The following BCOR variants were observed in gnomAD, a reference collection of about 807,000 sequenced individuals.
The protein encoded by BCOR is BCL-6 corepressor.
Under a neutral mutation model 86.7 loss-of-function variants are expected in BCOR, and 10 were observed. The observed-to-expected ratio is 0.12, with a 90% CI of 0.07 to 0.20. BCOR has a LOEUF of 0.20. Among genes scored for constraint, BCOR ranks in the 10% least tolerant of loss-of-function variants. BCOR has a pLI of 1.00. For synonymous variants in BCOR, 611 were observed against 609.0 expected (o/e 1.00, Z -0.05); for missense variants, 1,259 against 1,452.1 (o/e 0.87, Z 2.16).
chrX:40,072,939 G>C lies in BCOR; in HGVS notation c.2407C>G (p.Leu803Val), dbSNP rs376728674. 1.7e-6 allele frequency: 2 copies of C among 1,211,708 alleles called. No homozygotes were observed. The highest frequency in any genetic ancestry group is 2.2e-6 in the Non-Finnish European group (2 of 895,412). ...QGKTVVKSDK[L>V]VYVDLLREEP... ...TCTCGGAGAAGGTCTACGTAGACAAGCTTGTCGCTTTTGACAACAGTCTTC... is the reference window on the plus strand; with the variant it reads ...TCTCGGAGAAGGTCTACGTAGACAACCTTGTCGCTTTTGACAACAGTCTTC... Residue 803 changes from leucine (L) to valine (V), a missense_variant, in exon 4 of 15, where the codon CTT (leucine) becomes GTT (valine). Transcript: ENST00000378444.
intron 6 of BCOR, among the ~76,000 whole-genome samples, chrX:40,070,763 T>C (rs760723807): frequency 6.1e-4 from 68 of 112,056 alleles, no homozygotes; most frequent in Middle Eastern, 4.6e-3. Context: ...TGCGTTATAT[T>C]AGACTGTTAT....
chrX:40,101,611 T>C (rs1303530983), upstream of BCOR, among the ~76,000 whole-genome samples: 2 of 112,350 alleles, frequency 1.8e-5, no homozygotes, highest in Non-Finnish European at 3.8e-5. Context: ...TGGCTGCCCT[T>C]CTCAAGGCAG....
At chrX:40,163,643 G>C (rs1051066226) in intron 1 of BCOR, among the ~76,000 whole-genome samples, 5 of 97,174 alleles carry the variant, frequency 5.1e-5, no homozygotes, top group African/African-American at 2.0e-4. Flanking sequence ...GTGGAAGTAG[G>C]ATCTCTGTCC....
At chrX:40,143,604 T>C (rs960857105) in intron 1 of BCOR, among the ~76,000 whole-genome samples, 8 of 112,518 alleles carry the variant, frequency 7.1e-5, no homozygotes, top group African/African-American at 2.6e-4. Context: ...ACAAAAAACT[T>C]TGGAGTAGGA....
intron 9 of BCOR, 152 bp from the exon 10 acceptor site, chrX:40,062,545 G>T (rs1362696736): frequency 1.2e-6 from 1 of 847,730 alleles, no homozygotes; most frequent in Non-Finnish European, 1.7e-6. Flanking sequence ...GTCAAAGGAG[G>T]GTTTGGGGGA....
intron 7 of BCOR, 49 bp from the exon 8 acceptor site, chrX:40,064,001 A>G: frequency 5.9e-6 from 4 of 677,492 alleles, no homozygotes; most frequent in Non-Finnish European, 8.2e-6. Context: ...CCGGGGGGGA[A>G]CAAACTGTCT....
At chrX:40,089,400 T>TA (rs1466137331) in intron 1 of BCOR, among the ~76,000 whole-genome samples, 7 of 111,763 alleles carry the variant, frequency 6.3e-5, no homozygotes, top group African/African-American at 2.0e-4. Flanking sequence ...TTTGAAATCC[T>TA]GATTTTCACA....
intron 9 of BCOR, among the ~76,000 whole-genome samples, 159 bp from the exon 10 acceptor site, chrX:40,062,552 G>A (rs1934944076): frequency 9.1e-6 from 1 of 109,871 alleles, no homozygotes; most frequent in South Asian, 4.1e-4. Context: ...GAGGGTTTGG[G>A]GGAAGGGATT....
At chrX:40,149,609 G>A (rs1214410457) in intron 1 of BCOR, among the ~76,000 whole-genome samples, 2 of 111,478 alleles carry the variant, frequency 1.8e-5, no homozygotes, top group Non-Finnish European at 3.8e-5. Flanking sequence ...GGGGAGGTAC[G>A]GTTTGTTTCC....
intron 1 of BCOR, among the ~76,000 whole-genome samples, chrX:40,143,310 C>T (rs1395703412): frequency 8.9e-6 from 1 of 112,239 alleles, no homozygotes; most frequent in Non-Finnish European, 1.9e-5. Flanking sequence ...TTTCGATTTT[C>T]TCTTCTGTTT....
At chrX:40,115,944 C>T (rs1173643969) in intron 1 of BCOR, among the ~76,000 whole-genome samples, 1 of 111,471 alleles carries the variant, frequency 9.0e-6, no homozygotes, top group African/African-American at 3.3e-5. Context: ...CTGGGCAACA[C>T]TTTTCCCCGT....
chrX:40,106,293 C>T (rs1184727704), intron 1 of BCOR, among the ~76,000 whole-genome samples: 1 of 111,703 alleles, frequency 9.0e-6, no homozygotes. Context: ...AGAGAAAAGC[C>T]TCCCTACTCT....
At chrX:40,119,620 CAG>C (rs1937453322) in intron 1 of BCOR, among the ~76,000 whole-genome samples, 1 of 110,139 alleles carries the variant, frequency 9.1e-6, no homozygotes, top group Non-Finnish European at 1.9e-5. Flanking sequence ...GCCTGGGTGA[CAG>C]AGTGAGACTC....
Position 40,170,837 on chromosome X carries a change from G to T in BCOR, c.-41+6170C>A, listed in dbSNP as rs150697005. 3.8e-3 allele frequency among the ~76,000 whole-genome samples: 426 copies of T among 112,186 alleles called. 1 individual carries two copies. Among genetic ancestry groups the T allele is most frequent in the African/African-American group, 0.013 (399 of 30,896 alleles). ...TTCCCTTTATCTCGAACATTGTTGCGTAGATTTGAGAAAGGGCTGATTTCT... is the reference window on the plus strand; with the variant it reads ...TTCCCTTTATCTCGAACATTGTTGCTTAGATTTGAGAAAGGGCTGATTTCT... On this transcript the variant is annotated intron_variant, in intron 1 of 14. Coordinates refer to the BCOR transcript ENST00000342274.
At chrX:40,053,692 A>AC (rs1934439163) in intron 14 of BCOR, 194 bp downstream of exon 14, 1 of 487,031 alleles carries the variant, frequency 2.1e-6, no homozygotes, top group Admixed American at 3.1e-5. Context: ...GCTGTGCCCC[A>AC]CCCCCCACCA....
At chrX:40,167,953 T>C (rs1406228541) in intron 1 of BCOR, among the ~76,000 whole-genome samples, 1 of 112,686 alleles carries the variant, frequency 8.9e-6, no homozygotes, top group Non-Finnish European at 1.9e-5. Context: ...ATGAACTCTT[T>C]CTCCTGGGAA....
At chrX:40,091,752 C>T (rs1569171866) in intron 1 of BCOR, among the ~76,000 whole-genome samples, 1 of 113,203 alleles carries the variant, frequency 8.8e-6, no homozygotes, top group African/African-American at 3.2e-5. Flanking sequence ...TACTCCCGCC[C>T]CGGCGGCTTC....
intron 1 of BCOR, among the ~76,000 whole-genome samples, chrX:40,169,931 C>G (rs1421522024): frequency 1.8e-5 from 2 of 111,793 alleles, no homozygotes; most frequent in Non-Finnish European, 3.8e-5. Flanking sequence ...GTGGGCGGTC[C>G]AGCCGGAGGC....
intron 3 of BCOR, 143 bp from the exon 4 acceptor site, chrX:40,075,323 GT>G: frequency 4.5e-6 from 2 of 448,308 alleles, no homozygotes; most frequent in Non-Finnish European, 7.6e-6. Flanking sequence ...CGGGGCGGGG[GT>G]GGGGGGTCTG....
Sources: gnomAD v4.1 joint callset for allele counts (sites outside exome capture counted in the v4.1 genomes callset) on GRCh38, gnomAD v4.1.1 for gene constraint, MANE v1.5 for transcripts, NCBI Gene and HGNC (gene_info 2026-07-23, HGNC 2026-07-21) for gene names.